TEAD1: variants seen among roughly 807,000 people sequenced by gnomAD.
TEAD1 encodes transcriptional enhancer factor TEF-1.
TEAD1 carries 9 observed loss-of-function variants against 54.9 expected under a neutral mutation model. The ratio of observed to expected loss-of-function variants is 0.16; its 90% CI spans 0.10 to 0.29. The LOEUF (loss-of-function observed/expected upper bound fraction) is 0.29. Ranked by LOEUF, TEAD1 falls within the 10% of genes least tolerant of loss-of-function variation. The probability of loss-of-function intolerance (pLI) is 1.00; values close to 1 mark genes in which losing one functional copy is unlikely to be tolerated. For synonymous variants in TEAD1, 200 were observed against 187.8 expected, an observed-to-expected ratio of 1.07 and a Z score of -0.53; for missense variants, 387 against 535.9, an observed-to-expected ratio of 0.72 and a Z score of 2.74.
intron 2 of TEAD1, among the ~76,000 whole-genome samples, chr11:12,745,962 T>G (rs1173383868): frequency 1.3e-5 from 2 of 152,200 alleles, no homozygotes; most frequent in Non-Finnish European, 2.9e-5. Context: ...CTGCCTGGCT[T>G]AAGGAAGTGC....
intron 2 of TEAD1, among the ~76,000 whole-genome samples, chr11:12,750,112 G>A (rs1433102835): frequency 6.6e-6 from 1 of 152,212 alleles, no homozygotes; most frequent in Non-Finnish European, 1.5e-5. Flanking sequence ...AGTGTTGCGT[G>A]CTTTTGGTTA....
Position 12,883,246 on chromosome 11 carries a change from A to C in TEAD1, c.699+121A>C, listed in dbSNP as rs1446105751. The C allele has an allele frequency of 6.1e-6, 9 of 1,485,624 alleles. No homozygotes were observed. In the East Asian group the frequency reaches 1.8e-4, roughly 30 times the overall value. 92.0% of individuals were successfully genotyped at this position (1,485,624 alleles called of 1,614,324 possible). On this transcript the variant is annotated intron_variant, in intron 9 of 12. Transcript: ENST00000527636. ...CCATGCCTGACAAATATCCTGTGTG[A>C]AAACGGGCCTAGGAAAGAATAGCCT... is the stretch of plus-strand genomic sequence containing the variant.
intron 5 of TEAD1, among the ~76,000 whole-genome samples, chr11:12,873,766 A>T (rs1005624512): frequency 2.6e-5 from 4 of 152,204 alleles, no homozygotes; most frequent in African/African-American, 7.2e-5. Flanking sequence ...TAGTTCTGTG[A>T]TGTTTATCTG....
At chr11:12,900,085 A>T (rs1260958235) in intron 9 of TEAD1, among the ~76,000 whole-genome samples, 1 of 152,188 alleles carries the variant, frequency 6.6e-6, no homozygotes, top group Non-Finnish European at 1.5e-5. Flanking sequence ...TTAAGAGACA[A>T]GGTCTTACTG....
At chr11:12,895,445 C>T (rs1948294415) in intron 9 of TEAD1, among the ~76,000 whole-genome samples, 1 of 152,186 alleles carries the variant, frequency 6.6e-6, no homozygotes, top group South Asian at 2.1e-4. Context: ...GTGAACCCTA[C>T]CTGCAGACAA....
intron 3 of TEAD1, among the ~76,000 whole-genome samples, chr11:12,800,409 G>T (rs1350512609): frequency 6.6e-6 from 1 of 152,178 alleles, no homozygotes; most frequent in African/African-American, 2.4e-5. Flanking sequence ...AGGTGCTCTG[G>T]AGAGAAATAC....
chr11:12,695,962 A>G (rs573663330), intron 2 of TEAD1, among the ~76,000 whole-genome samples: 1 of 152,178 alleles, frequency 6.6e-6, no homozygotes, highest in Non-Finnish European at 1.5e-5. Flanking sequence ...CTCTGAAGAA[A>G]AAAGGAGGAA....
chr11:12,824,601 G>A (rs920688728), intron 3 of TEAD1, among the ~76,000 whole-genome samples: 1 of 152,248 alleles, frequency 6.6e-6, no homozygotes, highest in Non-Finnish European at 1.5e-5. Flanking sequence ...AGACTGTTGT[G>A]TGAAAATTGC....
At chr11:12,783,543 G>T (rs1945609975) in intron 3 of TEAD1, among the ~76,000 whole-genome samples, 1 of 152,074 alleles carries the variant, frequency 6.6e-6, no homozygotes, top group Non-Finnish European at 1.5e-5. Flanking sequence ...TCCCATTTCA[G>T]TTTTGGGGGA....
At chr11:12,839,066 A>G (rs948501730) in intron 3 of TEAD1, among the ~76,000 whole-genome samples, 3 of 152,120 alleles carry the variant, frequency 2.0e-5, no homozygotes, top group African/African-American at 7.2e-5. Flanking sequence ...CAATTCCCAA[A>G]TATTCTTTTT....
intron 3 of TEAD1, among the ~76,000 whole-genome samples, chr11:12,796,304 A>G (rs994752635): frequency 1.3e-5 from 2 of 152,326 alleles, no homozygotes; most frequent in South Asian, 2.1e-4. Flanking sequence ...AATTAAATTG[A>G]ATAACAAAAA....
intron 2 of TEAD1, among the ~76,000 whole-genome samples, chr11:12,720,403 G>A (rs1944168090): frequency 6.6e-6 from 1 of 152,156 alleles, no homozygotes; most frequent in South Asian, 2.1e-4. Flanking sequence ...CTGGTGTTCA[G>A]ATCAAATTCT....
At chr11:12,810,169 C>G (rs1946270586) in intron 3 of TEAD1, among the ~76,000 whole-genome samples, 1 of 151,918 alleles carries the variant, frequency 6.6e-6, no homozygotes, top group African/African-American at 2.4e-5. Flanking sequence ...TTAGTAGAGA[C>G]AGGGTTTCAC....
chr11:12,723,862 C>A (rs1162272380), intron 2 of TEAD1, among the ~76,000 whole-genome samples: 1 of 152,172 alleles, frequency 6.6e-6, no homozygotes, highest in Non-Finnish European at 1.5e-5. Context: ...GTAATCTTGG[C>A]TTGTGGTGCA....
intron 3 of TEAD1, among the ~76,000 whole-genome samples, chr11:12,799,765 A>G (rs1946011110): frequency 1.3e-5 from 2 of 152,198 alleles, no homozygotes; most frequent in Admixed American, 6.5e-5. Flanking sequence ...CTGCTTGTAA[A>G]TTGGGAAACC....
At chr11:12,683,539 G>A (rs538984095) in intron 2 of TEAD1, among the ~76,000 whole-genome samples, 32 of 152,192 alleles carry the variant, frequency 2.1e-4, no homozygotes, top group Admixed American at 1.5e-3. Context: ...GAACTGAGGA[G>A]GGCTTTGCGG....
chr11:12,732,343 T>A (rs576555456), intron 2 of TEAD1, among the ~76,000 whole-genome samples: 2 of 152,310 alleles, frequency 1.3e-5, no homozygotes, highest in South Asian at 2.1e-4. Context: ...TCCTATTAAT[T>A]CTCCTTAAAA....
rs1949122948 is a variant in TEAD1, at chr11:12,937,725, T to C, written c.*503T>C. 1 of 152,868 alleles carries C rather than the reference T, an allele frequency of 6.5e-6. No individual in the cohort carries two copies. The highest frequency in any genetic ancestry group is 2.4e-5 in the African/African-American group (1 of 41,468). The allele number at this position is 152,868 out of a possible 1,614,324, so 9.5% of individuals were successfully genotyped here. The stretch of plus-strand genomic sequence containing the variant: ...ACACAAAACTAAGAATCTTTAGACT[T>C]ATCTTTGTAACTAATTAGGGTGGAA... On this transcript the variant is annotated 3_prime_UTR_variant, in exon 13 of 13. Transcript: ENST00000527636.
At chr11:12,699,993 A>C (rs1943662980) in intron 2 of TEAD1, among the ~76,000 whole-genome samples, 1 of 152,222 alleles carries the variant, frequency 6.6e-6, no homozygotes, top group Non-Finnish European at 1.5e-5. Context: ...ATGACCCAGC[A>C]CAGGCGTTGT....
Sources: allele counts gnomAD v4.1 joint callset (sites outside exome capture counted in the v4.1 genomes callset), GRCh38; gene constraint gnomAD v4.1.1; transcripts MANE v1.5; gene names NCBI Gene and HGNC (gene_info 2026-07-23, HGNC 2026-07-21).